Variants in LYPD6B observed in about 807,000 individuals in gnomAD.
The protein encoded by LYPD6B is ly6/PLAUR domain-containing protein 6B.
In LYPD6B, 17 loss-of-function variants were observed where a neutral mutation model predicts 22.8. The observed-to-expected ratio is 0.75, with a 90% CI of 0.51 to 1.12. The LOEUF (loss-of-function observed/expected upper bound fraction) is 1.12, where lower values mean the gene tolerates loss of function less well. LYPD6B is among the 50% of genes most tolerant of loss of function. The pLI is 0.00. For missense variants in LYPD6B, 221 were observed against 258.3 expected, an observed-to-expected ratio of 0.86 and a Z score of 0.99; for synonymous variants, 106 against 91.6, an observed-to-expected ratio of 1.16 and a Z score of -0.90.
intron 1 of LYPD6B, among the ~76,000 whole-genome samples, chr2:149,121,639 T>A (rs1286946890): frequency 6.6e-6 from 1 of 152,168 alleles, no homozygotes; most frequent in Non-Finnish European, 1.5e-5. Flanking sequence ...TAGTGTTTCA[T>A]GAGGGCTCAT....
At chr2:149,151,763 G>A (rs1306958049) in intron 2 of LYPD6B, among the ~76,000 whole-genome samples, 2 of 152,128 alleles carry the variant, frequency 1.3e-5, no homozygotes, top group African/African-American at 4.8e-5. Context: ...TGATTCTGAT[G>A]TACATCCCAG....
chr2:149,097,124 C>T (rs1252088402), intron 1 of LYPD6B, among the ~76,000 whole-genome samples: 1 of 152,230 alleles, frequency 6.6e-6, no homozygotes, highest in Non-Finnish European at 1.5e-5. Flanking sequence ...TCCTGAAAGA[C>T]CTGTAGGCAC....
intron 3 of LYPD6B, among the ~76,000 whole-genome samples, chr2:149,175,023 A>ATCTC (rs142556922): frequency 0.014 from 1,757 of 125,748 alleles, 36 homozygotes; most frequent in African/African-American, 0.046. Flanking sequence ...AATCTCTTTA[A>ATCTC]TCTCTCTCTC....
chr2:149,170,812 A>G (rs1232482950), intron 3 of LYPD6B, among the ~76,000 whole-genome samples: 1 of 152,198 alleles, frequency 6.6e-6, no homozygotes, highest in African/African-American at 2.4e-5. Context: ...ACCAACAGTC[A>G]CTATTCTAAC....
chr2:149,103,029 T>C (rs529611791), intron 1 of LYPD6B, among the ~76,000 whole-genome samples: 1 of 152,326 alleles, frequency 6.6e-6, no homozygotes, highest in South Asian at 2.1e-4. Flanking sequence ...ATGAATATAC[T>C]TCTATGTACA....
intron 3 of LYPD6B, 99 bp from the exon 4 acceptor site, chr2:149,205,154 G>C: frequency 1.6e-6 from 2 of 1,233,936 alleles, no homozygotes; most frequent in South Asian, 3.0e-5. Flanking sequence ...GTAGATGGTT[G>C]GATATATTTG....
chr2:149,163,904 A>G (rs1575095333), intron 3 of LYPD6B, among the ~76,000 whole-genome samples: 1 of 152,220 alleles, frequency 6.6e-6, no homozygotes, highest in East Asian at 1.9e-4. Flanking sequence ...GCATGAGTGC[A>G]TCATAGGAAA....
chr2:149,138,957 C>T (rs1688525853), intron 2 of LYPD6B, among the ~76,000 whole-genome samples: 1 of 152,256 alleles, frequency 6.6e-6, no homozygotes, highest in Non-Finnish European at 1.5e-5. Flanking sequence ...GTCTTATGCA[C>T]ATGAAAACTA....
intron 3 of LYPD6B, among the ~76,000 whole-genome samples, chr2:149,197,278 C>T (rs1333425438): frequency 1.3e-5 from 2 of 152,180 alleles, no homozygotes; most frequent in East Asian, 1.9e-4. Flanking sequence ...CTTTGGGAGA[C>T]CGAGGCGGGC....
intron 1 of LYPD6B, among the ~76,000 whole-genome samples, chr2:149,044,866 C>A (rs1428482509): frequency 6.6e-6 from 1 of 151,976 alleles, no homozygotes; most frequent in East Asian, 1.9e-4. Context: ...ACTGACAGAA[C>A]CATATGAGTT....
chr2:149,095,129 C>G (rs989770186), intron 1 of LYPD6B, among the ~76,000 whole-genome samples: 1 of 152,024 alleles, frequency 6.6e-6, no homozygotes, highest in Non-Finnish European at 1.5e-5. Context: ...AACCTCGTCT[C>G]TACTAAAAAT....
chr2:149,047,579 G>GTT (rs1683368609), intron 1 of LYPD6B, among the ~76,000 whole-genome samples: 1 of 151,970 alleles, frequency 6.6e-6, no homozygotes, highest in Non-Finnish European at 1.5e-5. Flanking sequence ...GTGTGTGTGT[G>GTT]TGTACATGTA....
intron 1 of LYPD6B, among the ~76,000 whole-genome samples, chr2:149,104,767 G>A (rs1435748746): frequency 6.6e-6 from 1 of 151,984 alleles, no homozygotes; most frequent in Non-Finnish European, 1.5e-5. Context: ...AGTGTTATAT[G>A]TAAGAAATCT....
chr2:149,089,270 G>T (rs1173177635), intron 1 of LYPD6B, among the ~76,000 whole-genome samples: 4 of 152,186 alleles, frequency 2.6e-5, no homozygotes, highest in Admixed American at 2.6e-4. Flanking sequence ...GTGAGTCAAA[G>T]TTGGGGTTGA....
At chr2:149,202,479 G>A (rs72983286) in intron 3 of LYPD6B, among the ~76,000 whole-genome samples, 27,251 of 151,980 alleles carry the variant, frequency 0.18, 2,592 homozygotes, top group East Asian at 0.36. Context: ...TTACCTGTTC[G>A]AATGTCAACT....
At position 149,195,421 on chromosome 2, in the gene LYPD6B, C is replaced by T. The variant is rs893108127; in HGVS notation, c.78-9832C>T. 1.3e-5 allele frequency among the ~76,000 whole-genome samples: 2 copies of T among 152,190 alleles called. 1 individual carries two copies. The highest frequency in any genetic ancestry group is 4.1e-4 in the South Asian group (2 of 4,828). Reference sequence around the variant, plus strand: ...CAATGATACGAATGAAAGCACAGAGCCTGTTGCTTTTTAAAGCAAATGCTA... The same window carrying T: ...CAATGATACGAATGAAAGCACAGAGTCTGTTGCTTTTTAAAGCAAATGCTA... On this transcript the variant is annotated intron_variant, in intron 3 of 6. Coordinates refer to ENST00000409642, the MANE Select transcript of LYPD6B (RefSeq NM_177964.5).
At chr2:149,104,142 A>G (rs139309471) in intron 1 of LYPD6B, among the ~76,000 whole-genome samples, 1 of 152,228 alleles carries the variant, frequency 6.6e-6, no homozygotes, top group African/African-American at 2.4e-5. Context: ...CAATCTGTTT[A>G]TCCATTTGCC....
chr2:149,047,723 C>G (rs1418417895), intron 1 of LYPD6B, among the ~76,000 whole-genome samples: 1 of 151,980 alleles, frequency 6.6e-6, no homozygotes, highest in African/African-American at 2.4e-5. Flanking sequence ...TGCCTATTTT[C>G]TTTCTTTTCT....
At chr2:149,069,954 A>G (rs1332558879) in intron 1 of LYPD6B, among the ~76,000 whole-genome samples, 4 of 149,660 alleles carry the variant, frequency 2.7e-5, no homozygotes. Flanking sequence ...GTGTGTGTGT[A>G]CGTGTGTGTG....
Sources: allele counts gnomAD v4.1 joint callset (sites outside exome capture counted in the v4.1 genomes callset), GRCh38; gene constraint gnomAD v4.1.1; transcripts MANE v1.5; gene names NCBI Gene and HGNC (gene_info 2026-07-23, HGNC 2026-07-21).